SLC24A2: variants seen among roughly 807,000 people sequenced by gnomAD.
SLC24A2 encodes sodium/potassium/calcium exchanger 2.
SLC24A2 carries 36 observed loss-of-function variants against 62.0 expected under a neutral mutation model. That is an observed-to-expected ratio of 0.58 (90% CI 0.44 to 0.77). SLC24A2 has a LOEUF of 0.77. SLC24A2 is among the 30% of genes least tolerant of loss of function. The pLI is 0.00. For missense variants in SLC24A2, 846 were observed against 817.9 expected (o/e 1.03, Z -0.42); for synonymous variants, 358 against 294.0 (o/e 1.22, Z -2.23).
At chr9:19,956,232 C>T in the SLC24A2 span, among the ~76,000 whole-genome samples, 106 of 152,340 alleles carry the variant, frequency 7.0e-4, no homozygotes, top group South Asian at 1.9e-3. Flanking sequence ...TTCACAGGGT[C>T]AAGAGGGCCA....
chr9:19,643,183 A>T (rs1051403685), intron 2 of SLC24A2, among the ~76,000 whole-genome samples: 3 of 152,122 alleles, frequency 2.0e-5, no homozygotes, highest in Admixed American at 2.0e-4. Flanking sequence ...AATGTTACCC[A>T]TTTAAAAATT....
the SLC24A2 span, among the ~76,000 whole-genome samples, chr9:20,105,226 T>C: frequency 6.6e-6 from 1 of 152,144 alleles, no homozygotes; most frequent in Non-Finnish European, 1.5e-5. Flanking sequence ...CAAAGAGACT[T>C]AGACTCCCAC....
the SLC24A2 span, among the ~76,000 whole-genome samples, chr9:19,873,246 TTC>T: frequency 2.7e-5 from 4 of 150,884 alleles, no homozygotes; most frequent in African/African-American, 9.7e-5. Flanking sequence ...TTCCTCCTCT[TTC>T]TCTTTCTTCT....
At chr9:20,157,177 A>G in the SLC24A2 span, among the ~76,000 whole-genome samples, 1 of 151,668 alleles carries the variant, frequency 6.6e-6, no homozygotes, top group African/African-American at 2.4e-5. Flanking sequence ...AATTTGTTAA[A>G]CCATAGGAGT....
At chr9:20,260,755 G>A in the SLC24A2 span, among the ~76,000 whole-genome samples, 1 of 151,714 alleles carries the variant, frequency 6.6e-6, no homozygotes, top group Non-Finnish European at 1.5e-5. Flanking sequence ...CCTATCACCG[G>A]AAGAGTGTAC....
the SLC24A2 span, among the ~76,000 whole-genome samples, chr9:20,234,890 A>T: frequency 6.6e-6 from 1 of 152,136 alleles, no homozygotes; most frequent in African/African-American, 2.4e-5. Context: ...ATGGTGACGT[A>T]CAGATGGGTT....
intron 2 of SLC24A2, among the ~76,000 whole-genome samples, chr9:19,703,866 AAAAT>A (rs1820429000): frequency 1.3e-5 from 2 of 152,210 alleles, no homozygotes; most frequent in Non-Finnish European, 2.9e-5. Context: ...GTAATCCTTA[AAAAT>A]AAATTATTTC....
chr9:19,621,611 G>C (rs1817910660), intron 3 of SLC24A2, among the ~76,000 whole-genome samples: 1 of 152,140 alleles, frequency 6.6e-6, no homozygotes, highest in African/African-American at 2.4e-5. Context: ...TAATTCTGAA[G>C]GTTGTTTCTT....
At chr9:19,587,666 TAA>T (rs768802267) in intron 5 of SLC24A2, among the ~76,000 whole-genome samples, 5 of 150,680 alleles carry the variant, frequency 3.3e-5, no homozygotes, top group Non-Finnish European at 5.9e-5. Flanking sequence ...TTTTTTTTTT[TAA>T]AGAGCTTCAT....
the SLC24A2 span, among the ~76,000 whole-genome samples, chr9:19,892,823 C>G: frequency 6.6e-6 from 1 of 152,108 alleles, no homozygotes; most frequent in African/African-American, 2.4e-5. Context: ...AGTGGCACAT[C>G]AGGGGTTAGA....
At chr9:20,198,088 C>T in the SLC24A2 span, among the ~76,000 whole-genome samples, 1 of 152,176 alleles carries the variant, frequency 6.6e-6, no homozygotes, top group Non-Finnish European at 1.5e-5. Context: ...GTTGTAGCCC[C>T]AGGTACCAAG....
chr9:19,998,063 TCTCA>T, the SLC24A2 span, among the ~76,000 whole-genome samples: 2 of 152,188 alleles, frequency 1.3e-5, no homozygotes, highest in Non-Finnish European at 2.9e-5. Flanking sequence ...ATAATGCATC[TCTCA>T]CTATTTAGCA....
the SLC24A2 span, among the ~76,000 whole-genome samples, chr9:20,259,653 C>A: frequency 6.6e-6 from 1 of 151,864 alleles, no homozygotes; most frequent in Non-Finnish European, 1.5e-5. Flanking sequence ...CCAAATAGTC[C>A]CCAGTAGTCA....
At chr9:19,765,924 C>T (rs890022623) in intron 2 of SLC24A2, among the ~76,000 whole-genome samples, 19 of 152,138 alleles carry the variant, frequency 1.2e-4, no homozygotes, top group East Asian at 1.9e-4. Context: ...TGTCACTTTC[C>T]GGTATACCAA....
chr9:20,230,799 G>A, the SLC24A2 span, among the ~76,000 whole-genome samples: 2 of 152,138 alleles, frequency 1.3e-5, no homozygotes, highest in Admixed American at 6.5e-5. Flanking sequence ...TAGACATGAA[G>A]TCCTTGCCCA....
At chr9:20,256,420 C>G in the SLC24A2 span, among the ~76,000 whole-genome samples, 1 of 152,208 alleles carries the variant, frequency 6.6e-6, no homozygotes, top group African/African-American at 2.4e-5. Context: ...TGAAGGCAGA[C>G]AGTCCTGCCA....
At chr9:20,102,140 T>C in the SLC24A2 span, among the ~76,000 whole-genome samples, 1 of 152,130 alleles carries the variant, frequency 6.6e-6, no homozygotes, top group Non-Finnish European at 1.5e-5. Flanking sequence ...CCTATTTCTA[T>C]AAAGAGTTGG....
the SLC24A2 span, among the ~76,000 whole-genome samples, chr9:20,045,796 T>C: frequency 6.6e-6 from 1 of 152,172 alleles, no homozygotes; most frequent in East Asian, 1.9e-4. Context: ...TATATCATTC[T>C]CACAATGATC....
At chr9:19,805,146 T>C in the SLC24A2 span, among the ~76,000 whole-genome samples, 1 of 152,294 alleles carries the variant, frequency 6.6e-6, no homozygotes, top group South Asian at 2.1e-4. Flanking sequence ...GTGTCAATAA[T>C]GGAATAATTT....
Sources: gnomAD v4.1 joint callset for allele counts (sites outside exome capture counted in the v4.1 genomes callset) on GRCh38, gnomAD v4.1.1 for gene constraint, MANE v1.5 for transcripts, NCBI Gene and HGNC (gene_info 2026-07-23, HGNC 2026-07-21) for gene names.